The following TAFA1 variants were observed in gnomAD, a reference collection of about 807,000 sequenced individuals.
TAFA1 encodes TAFA chemokine like family member 1.
In TAFA1, 4 loss-of-function variants were observed where a neutral mutation model predicts 18.5. The observed-to-expected ratio is 0.22, with a 90% confidence interval of 0.11 to 0.49. The LOEUF is 0.49. Ranked by LOEUF, TAFA1 falls within the 20% of genes least tolerant of loss-of-function variation. The pLI is 0.98. For missense variants in TAFA1, 147 were observed against 169.0 expected (o/e 0.87, Z 0.72); for synonymous variants, 56 against 55.2 (o/e 1.01, Z -0.06).
intron 2 of TAFA1, among the ~76,000 whole-genome samples, chr3:68,106,900 G>C (rs1476336870): frequency 6.6e-6 from 1 of 152,116 alleles, no homozygotes; most frequent in African/African-American, 2.4e-5. Context: ...TAAAAGAATG[G>C]CTAAAATAAA....
chr3:68,160,452 T>C (rs13075249), intron 2 of TAFA1, among the ~76,000 whole-genome samples: 22,271 of 152,236 alleles, frequency 0.15, 1,982 homozygotes, highest in Non-Finnish European at 0.2. Context: ...TAGAGCATAA[T>C]GGGCTTTGGA....
chr3:68,056,803 C>A (rs532407446), intron 2 of TAFA1, among the ~76,000 whole-genome samples: 1 of 152,022 alleles, frequency 6.6e-6, no homozygotes, highest in Admixed American at 6.6e-5. Flanking sequence ...GATTGTAGTT[C>A]CAAGAAAAAA....
In TAFA1 at chr3:68,453,520, G is replaced by A. The variant is rs1449256469; in HGVS notation, c.259+36100G>A. On this transcript the variant is annotated intron_variant, in intron 3 of 4. Transcript: ENST00000478136. ...GTGAGAGGAGGTATGTAGTGGTTTT[G>A]TAGATGGAAAATGCAAATACAAATC... is the stretch of plus-strand genomic sequence containing the variant. Among the ~76,000 whole-genome samples, 11 of 152,144 alleles carry A rather than the reference G, an allele frequency of 7.2e-5. No homozygotes were observed. The East Asian group carries it at 2.1e-3, about 29-fold the overall frequency.
chr3:68,282,012 T>C (rs141692584), intron 2 of TAFA1, among the ~76,000 whole-genome samples: 2,629 of 152,214 alleles, frequency 0.017, 86 homozygotes, highest in East Asian at 0.13. Flanking sequence ...CTTACAATCA[T>C]GGTGGAAGGG....
At chr3:68,204,763 G>A (rs1054057164) in intron 2 of TAFA1, among the ~76,000 whole-genome samples, 17 of 151,710 alleles carry the variant, frequency 1.1e-4, no homozygotes, top group Admixed American at 2.0e-4. Context: ...CTCCCTTTAC[G>A]GGGAAACTGA....
chr3:68,128,394 A>G (rs1488096448), intron 2 of TAFA1, among the ~76,000 whole-genome samples: 1 of 152,202 alleles, frequency 6.6e-6, no homozygotes, highest in Non-Finnish European at 1.5e-5. Flanking sequence ...CAGGACTCCA[A>G]CCACAACTTT....
At chr3:68,450,950 A>G (rs2071558604) in intron 3 of TAFA1, among the ~76,000 whole-genome samples, 1 of 152,208 alleles carries the variant, frequency 6.6e-6, no homozygotes, top group Non-Finnish European at 1.5e-5. Flanking sequence ...CCCATTTTAC[A>G]ATGAGGAAAC....
Position 68,370,506 on chromosome 3 carries a change from A to ATATATATATATG in TAFA1, c.119-46764_119-46763insTGTATATATATA, listed in dbSNP as rs1162156955. The stretch of plus-strand genomic sequence containing the variant: ...TATATATATATATATATATATATAT[A>ATATATATATATG]TATATATATACCCACATATGTATTT... On this transcript the variant is annotated intron_variant, in intron 2 of 4. Transcript: ENST00000478136. Among the ~76,000 whole-genome samples, 60 of 75,092 alleles carry ATATATATATATG rather than the reference A, an allele frequency of 8.0e-4. 4 individuals are homozygous for ATATATATATATG. Among genetic ancestry groups the ATATATATATATG allele is most frequent in the South Asian group, 2.2e-3 (4 of 1,816 alleles). 49.3% of individuals were successfully genotyped at this position (75,092 alleles called of 152,430 possible).
At chr3:68,308,752 AG>A (rs2068465606) in intron 2 of TAFA1, among the ~76,000 whole-genome samples, 1 of 152,090 alleles carries the variant, frequency 6.6e-6, no homozygotes, top group South Asian at 2.1e-4. Flanking sequence ...ACAGAGAAAG[AG>A]ATGCTATTAC....
intron 2 of TAFA1, among the ~76,000 whole-genome samples, chr3:68,255,104 G>C (rs1170644960): frequency 6.6e-6 from 1 of 152,044 alleles, no homozygotes; most frequent in African/African-American, 2.4e-5. Context: ...ATCAAATAAG[G>C]GCTAGTGAAA....
chr3:68,061,534 G>A (rs2064602230), intron 2 of TAFA1, among the ~76,000 whole-genome samples: 2 of 152,156 alleles, frequency 1.3e-5, no homozygotes, highest in African/African-American at 4.8e-5. Context: ...GAATTAAAGA[G>A]GGTACAGGCA....
intron 3 of TAFA1, among the ~76,000 whole-genome samples, chr3:68,517,630 A>G (rs2072942937): frequency 6.6e-6 from 1 of 152,164 alleles, no homozygotes. Context: ...CAGACCCCTT[A>G]ATCCTGTCAA....
intron 2 of TAFA1, among the ~76,000 whole-genome samples, chr3:68,393,887 AC>A (rs1176683676): frequency 6.6e-6 from 1 of 152,198 alleles, no homozygotes; most frequent in African/African-American, 2.4e-5. Context: ...GCTATTTATG[AC>A]AAAACCACAG....
chr3:68,232,131 A>C (rs2066879679), intron 2 of TAFA1, among the ~76,000 whole-genome samples: 1 of 152,116 alleles, frequency 6.6e-6, no homozygotes, highest in African/African-American at 2.4e-5. Context: ...AACTAAGGTC[A>C]CCCTATACTA....
intron 3 of TAFA1, among the ~76,000 whole-genome samples, chr3:68,479,675 T>C (rs1033926028): frequency 6.6e-6 from 1 of 152,188 alleles, no homozygotes; most frequent in African/African-American, 2.4e-5. Flanking sequence ...AGAAGGGCTA[T>C]GTGAATTCTG....
intron 2 of TAFA1, among the ~76,000 whole-genome samples, chr3:68,303,576 G>T (rs945053825): frequency 1.3e-5 from 2 of 152,022 alleles, no homozygotes; most frequent in Non-Finnish European, 2.9e-5. Flanking sequence ...AGCCTCCCGA[G>T]TAGCTGAAAC....
intron 2 of TAFA1, among the ~76,000 whole-genome samples, chr3:68,117,951 A>G (rs934874877): frequency 2.0e-5 from 3 of 152,122 alleles, no homozygotes; most frequent in Non-Finnish European, 4.4e-5. Context: ...TGAGCTTTTC[A>G]TCTTGCAAAA....
At chr3:68,374,249 C>G (rs1468398947) in intron 2 of TAFA1, among the ~76,000 whole-genome samples, 1 of 152,154 alleles carries the variant, frequency 6.6e-6, no homozygotes, top group Non-Finnish European at 1.5e-5. Context: ...CAGTTTCCCA[C>G]TCCTGGCCAA....
At position 68,230,332 on chromosome 3, in the gene TAFA1, A is replaced by AT. The variant is rs909540276; in HGVS notation, c.119-186940dup. Among the ~76,000 whole-genome samples, 133 of 151,456 alleles carry AT rather than the reference A, an allele frequency of 8.8e-4. 1 individual carries two copies. Among genetic ancestry groups the AT allele is most frequent in the African/African-American group, 3.0e-3 (123 of 41,238 alleles). ...TCTATTCTATATCTCCATGAGATCA[A>AT]TTTTTTTTAATCCCACATATAAGTG... On this transcript the variant is annotated intron_variant, in intron 2 of 4. Coordinates refer to ENST00000478136, the MANE Select transcript of TAFA1 (RefSeq NM_213609.4).
Sources: allele counts gnomAD v4.1 joint callset (sites outside exome capture counted in the v4.1 genomes callset), GRCh38; gene constraint gnomAD v4.1.1; transcripts MANE v1.5; gene names NCBI Gene and HGNC (gene_info 2026-07-23, HGNC 2026-07-21).